Variants in NFIA observed in about 807,000 individuals in gnomAD.
NFIA encodes nuclear factor 1 A-type.
A neutral mutation model predicts 62.8 loss-of-function variants in NFIA; 8 were observed. That is an observed-to-expected ratio of 0.13 (90% confidence interval 0.07 to 0.23). NFIA has a LOEUF of 0.23. Ranked by LOEUF, NFIA falls within the 10% of genes least tolerant of loss-of-function variation. NFIA has a pLI of 1.00. For missense variants in NFIA, 410 were observed against 642.1 expected (o/e 0.64, Z 3.91); for synonymous variants, 235 against 238.1 (o/e 0.99, Z 0.12).
chr1:61,287,920 A>G (rs2100300954), intron 3 of NFIA, among the ~76,000 whole-genome samples: 1 of 152,324 alleles, frequency 6.6e-6, no homozygotes, highest in African/African-American at 2.4e-5. Context: ...AACCACTGGA[A>G]TTTAACCCAC....
chr1:61,238,963 T>A (rs896674517), intron 2 of NFIA, among the ~76,000 whole-genome samples: 1 of 152,206 alleles, frequency 6.6e-6, no homozygotes, highest in East Asian at 1.9e-4. Flanking sequence ...TTCTTTTCCA[T>A]AAATTGATTT....
chr1:61,431,176 C>A (rs766406436), intron 10 of NFIA, among the ~76,000 whole-genome samples: 1 of 152,120 alleles, frequency 6.6e-6, no homozygotes, highest in Non-Finnish European at 1.5e-5. Context: ...AATTGCATCC[C>A]ATAACTTAAT....
chr1:61,411,291 GA>G (rs147926978), intron 9 of NFIA, among the ~76,000 whole-genome samples: 3,522 of 152,190 alleles, frequency 0.023, 53 homozygotes, highest in Non-Finnish European at 0.037. Flanking sequence ...ATTTTAATGG[GA>G]AAAATCCTTA....
chr1:61,424,342 C>A (rs1036183052), intron 9 of NFIA, among the ~76,000 whole-genome samples: 1 of 141,514 alleles, frequency 7.1e-6, no homozygotes, highest in Non-Finnish European at 1.6e-5. Flanking sequence ...AAAAATGACA[C>A]CCCCCCCTCA....
At chr1:61,268,423 G>A (rs1312417827) in intron 2 of NFIA, among the ~76,000 whole-genome samples, 1 of 128,690 alleles carries the variant, frequency 7.8e-6, no homozygotes, top group Non-Finnish European at 1.6e-5. Context: ...CCCACCCCCC[G>A]ACACCAATTC....
At chr1:61,400,116 C>T (rs1423917806) in intron 7 of NFIA, among the ~76,000 whole-genome samples, 5 of 152,140 alleles carry the variant, frequency 3.3e-5, no homozygotes, top group African/African-American at 1.2e-4. Context: ...CCTGACTGAC[C>T]TGCTTTCGTT....
intron 10 of NFIA, among the ~76,000 whole-genome samples, chr1:61,435,610 CCTGCTAGCAAATTTCTTTGTAGGT>C (rs1359651550): frequency 6.6e-6 from 1 of 152,080 alleles, no homozygotes; most frequent in Non-Finnish European, 1.5e-5. Flanking sequence ...TCCTGTGCAC[CCTGCTAGCAAATTTCTTTGTAGGT>C]CTCATTGGCT....
chr1:61,220,302 A>G (rs1464032000), intron 2 of NFIA, among the ~76,000 whole-genome samples: 1 of 152,166 alleles, frequency 6.6e-6, no homozygotes, highest in Non-Finnish European at 1.5e-5. Context: ...ATCAGAGAAT[A>G]TCTTAAATGC....
intron 7 of NFIA, among the ~76,000 whole-genome samples, chr1:61,383,686 GAGAC>G (rs1333586095): frequency 2.6e-5 from 4 of 152,342 alleles, no homozygotes; most frequent in East Asian, 1.9e-4. Flanking sequence ...GTGAGAGAGA[GAGAC>G]AGAATGTGTG....
intron 2 of NFIA, among the ~76,000 whole-genome samples, chr1:61,272,953 T>G (rs1358127412): frequency 2.0e-5 from 3 of 152,200 alleles, no homozygotes; most frequent in Non-Finnish European, 2.9e-5. Flanking sequence ...CTCTTCAGAC[T>G]TCATCTTTAG....
At chr1:61,432,951 A>C (rs1667169867) in intron 10 of NFIA, among the ~76,000 whole-genome samples, 1 of 152,188 alleles carries the variant, frequency 6.6e-6, no homozygotes, top group Non-Finnish European at 1.5e-5. Flanking sequence ...ACAGATGAGG[A>C]AACCGAAGTT....
intron 2 of NFIA, among the ~76,000 whole-genome samples, chr1:61,118,201 A>G (rs562063095): frequency 2.0e-5 from 3 of 151,856 alleles, no homozygotes; most frequent in East Asian, 2.0e-4. Context: ...CAAAAAAAAA[A>G]AAAAGAAAAG....
intron 2 of NFIA, among the ~76,000 whole-genome samples, chr1:61,219,003 G>A (rs948349091): frequency 6.6e-6 from 1 of 151,890 alleles, no homozygotes; most frequent in Non-Finnish European, 1.5e-5. Flanking sequence ...AGGCCGAGGC[G>A]GGCATATCAC....
intron 2 of NFIA, among the ~76,000 whole-genome samples, chr1:61,217,446 T>C (rs139116154): frequency 2.5e-4 from 38 of 152,328 alleles, no homozygotes; most frequent in African/African-American, 9.1e-4. Context: ...GAACTATATG[T>C]CATTATTAAA....
intron 3 of NFIA, among the ~76,000 whole-genome samples, chr1:61,290,550 A>C (rs1450220649): frequency 6.6e-6 from 1 of 152,220 alleles, no homozygotes; most frequent in Non-Finnish European, 1.5e-5. Flanking sequence ...TAAAATTACA[A>C]ATGCTACCCA....
chr1:61,443,711 TATAG>T (rs944231262), intron 10 of NFIA, among the ~76,000 whole-genome samples: 5 of 152,208 alleles, frequency 3.3e-5, no homozygotes, highest in Non-Finnish European at 2.9e-5. Flanking sequence ...TGCTTGCTGT[TATAG>T]ATAAACTCCA....
At chr1:61,248,026 T>C (rs971208467) in intron 2 of NFIA, among the ~76,000 whole-genome samples, 1 of 152,198 alleles carries the variant, frequency 6.6e-6, no homozygotes, top group African/African-American at 2.4e-5. Flanking sequence ...CTTGTACATG[T>C]GTGCGGTGAT....
In NFIA at chr1:61,275,179, G is replaced by C. The variant is rs370405574; in HGVS notation, c.560-2341G>C. Among the ~76,000 whole-genome samples the C allele has an allele frequency of 7.9e-5, 12 of 152,284 alleles. No individual in the cohort carries two copies. The South Asian group carries it at 2.5e-3, about 32-fold the overall frequency. On this transcript the variant is annotated intron_variant, in intron 2 of 10. Coordinates refer to ENST00000403491, the MANE Select transcript of NFIA (RefSeq NM_001134673.4). ...CACGAGAATGCGGCGGCCCCTTGCAGACCAACTCTGAGCATTTTCTTGCCA... is the reference window on the plus strand; with the variant it reads ...CACGAGAATGCGGCGGCCCCTTGCACACCAACTCTGAGCATTTTCTTGCCA...
chr1:61,216,636 C>G (rs868110), intron 2 of NFIA, among the ~76,000 whole-genome samples: 6,928 of 152,248 alleles, frequency 0.046, 223 homozygotes, highest in Non-Finnish European at 0.069. Context: ...TATACTCTCT[C>G]TGATACTAGT....
Sources: allele counts gnomAD v4.1 joint callset (sites outside exome capture counted in the v4.1 genomes callset), GRCh38; gene constraint gnomAD v4.1.1; transcripts MANE v1.5; gene names NCBI Gene and HGNC (gene_info 2026-07-23, HGNC 2026-07-21).